Variants in DPH6 observed in about 807,000 individuals in gnomAD.
The protein encoded by DPH6 is diphthine--ammonia ligase.
A neutral mutation model predicts 38.2 loss-of-function variants in DPH6; 33 were observed. The observed-to-expected ratio is 0.86, with a 90% CI of 0.65 to 1.15. DPH6 has a LOEUF of 1.15. Among genes scored for constraint, DPH6 ranks in the 50% most tolerant of loss-of-function variants. The pLI is 0.00. For missense variants in DPH6, 325 were observed against 320.0 expected, an observed-to-expected ratio of 1.02 and a Z score of -0.12; for synonymous variants, 108 against 103.0, an observed-to-expected ratio of 1.05 and a Z score of -0.30.
chr15:35,469,103 A>AACAACG (rs1356863154), intron 3 of DPH6, among the ~76,000 whole-genome samples: 6 of 151,930 alleles, frequency 3.9e-5, no homozygotes, highest in Admixed American at 3.9e-4. Flanking sequence ...CAACAACAAC[A>AACAACG]ACAGGCCAGG....
intron 3 of DPH6, among the ~76,000 whole-genome samples, chr15:35,352,691 T>G (rs1048344653): frequency 2.0e-5 from 3 of 152,244 alleles, no homozygotes; most frequent in Admixed American, 6.5e-5. Flanking sequence ...TGTTGGACAT[T>G]TGGCTTGGTT....
At chr15:35,389,146 C>T (rs939356678) in intron 6 of DPH6, among the ~76,000 whole-genome samples, 98 of 152,182 alleles carry the variant, frequency 6.4e-4, no homozygotes, top group African/African-American at 2.2e-3. Flanking sequence ...TGTAGTTGAG[C>T]GGTTTTGAGT....
downstream of DPH6, among the ~76,000 whole-genome samples, chr15:35,216,642 C>A (rs77225963): frequency 0.036 from 5,416 of 152,156 alleles, 332 homozygotes; most frequent in African/African-American, 0.12. Context: ...TAAATTTTTA[C>A]CAAGTGCCTA....
intron 3 of DPH6, among the ~76,000 whole-genome samples, chr15:35,512,316 C>CAGA (rs1392689101): frequency 6.6e-6 from 1 of 152,008 alleles, no homozygotes; most frequent in Non-Finnish European, 1.5e-5. Context: ...TAGCCAGGAG[C>CAGA]AGAAGAGTGT....
At chr15:35,207,061 T>TTC in the DPH6 span, among the ~76,000 whole-genome samples, 1 of 145,250 alleles carries the variant, frequency 6.9e-6, no homozygotes, top group African/African-American at 2.7e-5. Flanking sequence ...TTTTTTTTTT[T>TTC]TTTAAGATAG....
At chr15:35,370,378 G>T (rs999629433), downstream of DPH6, among the ~76,000 whole-genome samples, 2 of 151,526 alleles carry the variant, frequency 1.3e-5, no homozygotes, top group African/African-American at 4.8e-5. Flanking sequence ...CTTTGTAAAA[G>T]ACACTGTTAA....
chr15:35,415,445 CCAT>C (rs2053424415), intron 5 of DPH6, among the ~76,000 whole-genome samples: 1 of 151,974 alleles, frequency 6.6e-6, no homozygotes, highest in Non-Finnish European at 1.5e-5. Flanking sequence ...CAGGTAGGCA[CCAT>C]AAGATCTCAT....
intron 3 of DPH6, among the ~76,000 whole-genome samples, chr15:35,239,093 C>T (rs1239693109): frequency 2.8e-5 from 4 of 143,936 alleles, no homozygotes; most frequent in Non-Finnish European, 6.1e-5. Context: ...CGGGGGACCT[C>T]CCTTGGGAGA....
the DPH6 span, among the ~76,000 whole-genome samples, chr15:35,200,065 A>C: frequency 6.6e-6 from 1 of 152,100 alleles, no homozygotes; most frequent in Non-Finnish European, 1.5e-5. Flanking sequence ...AGAAATAAAT[A>C]AGAAATAATA....
At chr15:35,316,816 T>C (rs897121085) in intron 3 of DPH6, among the ~76,000 whole-genome samples, 3 of 151,884 alleles carry the variant, frequency 2.0e-5, no homozygotes, top group African/African-American at 2.4e-5. Context: ...AGAAAACAGA[T>C]AAATGGCAAA....
chr15:35,240,994 C>T (rs1439060550), intron 3 of DPH6, among the ~76,000 whole-genome samples: 3 of 143,446 alleles, frequency 2.1e-5, no homozygotes, highest in South Asian at 2.4e-4. Flanking sequence ...AACGCCTGAA[C>T]CGCAGCGGCC....
At chr15:35,365,221 C>A (rs568285054) in intron 3 of DPH6, among the ~76,000 whole-genome samples, 2 of 152,180 alleles carry the variant, frequency 1.3e-5, no homozygotes, top group East Asian at 1.9e-4. Context: ...AACCCAATCA[C>A]CAAATCCATG....
intron 7 of DPH6, among the ~76,000 whole-genome samples, 153 bp downstream of exon 7, chr15:35,381,669 G>C (rs1357637328): frequency 6.6e-6 from 1 of 152,164 alleles, no homozygotes; most frequent in African/African-American, 2.4e-5. Flanking sequence ...TAGATATTCA[G>C]ATAACTTCAC....
intron 3 of DPH6, among the ~76,000 whole-genome samples, chr15:35,220,746 A>G (rs564832140): frequency 5.9e-5 from 9 of 152,232 alleles, no homozygotes; most frequent in African/African-American, 1.2e-4. Context: ...TTAAATTTCA[A>G]CATGACTCTG....
downstream of DPH6, among the ~76,000 whole-genome samples, chr15:35,215,826 G>A (rs903404001): frequency 1.3e-5 from 2 of 152,202 alleles, no homozygotes; most frequent in African/African-American, 4.8e-5. Flanking sequence ...CTGGAACTTG[G>A]AGAAGTCAAG....
intron 3 of DPH6, among the ~76,000 whole-genome samples, chr15:35,523,980 C>A (rs2054961664): frequency 1.3e-5 from 2 of 151,798 alleles, no homozygotes; most frequent in Non-Finnish European, 2.9e-5. Flanking sequence ...AATTTCAAAC[C>A]ACAGATCGTG....
intron 3 of DPH6, among the ~76,000 whole-genome samples, chr15:35,497,403 C>T (rs1157972933): frequency 6.6e-6 from 1 of 152,084 alleles, no homozygotes; most frequent in Non-Finnish European, 1.5e-5. Flanking sequence ...GCTTTAACAC[C>T]AACATATAAA....
chr15:35,535,005 T>C (rs888437422), intron 3 of DPH6, among the ~76,000 whole-genome samples: 4 of 152,314 alleles, frequency 2.6e-5, no homozygotes, highest in African/African-American at 9.6e-5. Flanking sequence ...CCAATCACTA[T>C]GGCCAGAAGA....
chr15:35,446,866 G>C (rs1386241355), intron 5 of DPH6, among the ~76,000 whole-genome samples: 1 of 151,118 alleles, frequency 6.6e-6, no homozygotes, highest in African/African-American at 2.4e-5. Flanking sequence ...TACATAGGTG[G>C]AATCTTTTTT....
Sources: gnomAD v4.1 joint callset for allele counts (sites outside exome capture counted in the v4.1 genomes callset) on GRCh38, gnomAD v4.1.1 for gene constraint, MANE v1.5 for transcripts, NCBI Gene and HGNC (gene_info 2026-07-23, HGNC 2026-07-21) for gene names.